The following EYS variants were observed in gnomAD, a reference collection of about 807,000 sequenced individuals.
EYS encodes EGF-like photoreceptor maintenance factor.
In EYS, 250 loss-of-function variants were observed where a neutral mutation model predicts 282.1. The ratio of observed to expected loss-of-function variants is 0.89; its 90% confidence interval spans 0.80 to 0.98. EYS has a LOEUF of 0.98. EYS is among the 50% of genes least tolerant of loss of function. EYS has a pLI of 0.00. For missense variants in EYS, 4,016 were observed against 3,709.0 expected, an observed-to-expected ratio of 1.08 and a Z score of -2.15; for synonymous variants, 1,355 against 1,282.9, an observed-to-expected ratio of 1.06 and a Z score of -1.20.
intron 26 of EYS, among the ~76,000 whole-genome samples, chr6:64,535,378 GA>G (rs1281068160): frequency 6.6e-6 from 1 of 152,068 alleles, no homozygotes; most frequent in Non-Finnish European, 1.5e-5. Context: ...TCAAGTTGAA[GA>G]ACAGAATAAC....
At chr6:65,242,000 G>T (rs997544336) in intron 12 of EYS, among the ~76,000 whole-genome samples, 1 of 152,000 alleles carries the variant, frequency 6.6e-6, no homozygotes, top group African/African-American at 2.4e-5. Context: ...AGAAAATATT[G>T]TGCAAATTCC....
intron 7 of EYS, among the ~76,000 whole-genome samples, chr6:65,395,396 T>C (rs1766243305): frequency 6.6e-6 from 1 of 152,156 alleles, no homozygotes; most frequent in African/African-American, 2.4e-5. Context: ...TTTTCCAACT[T>C]TATCGAAGCA....
intron 5 of EYS, among the ~76,000 whole-genome samples, chr6:65,434,144 C>T (rs1767977542): frequency 1.3e-5 from 2 of 152,152 alleles, no homozygotes; most frequent in Admixed American, 1.3e-4. Context: ...CAGCATAGTG[C>T]TGAGAGCCCT....
At chr6:65,508,761 C>A (rs1286314380) in intron 2 of EYS, among the ~76,000 whole-genome samples, 1 of 151,940 alleles carries the variant, frequency 6.6e-6, no homozygotes, top group Admixed American at 6.6e-5. Context: ...ATGACAAATA[C>A]CCTTGCTAAC....
At chr6:63,858,310 G>A (rs140561159) in intron 36 of EYS, among the ~76,000 whole-genome samples, 88 of 152,202 alleles carry the variant, frequency 5.8e-4, no homozygotes, top group African/African-American at 2.1e-3. Flanking sequence ...TCCACCCACC[G>A]CGGCTTCCCA....
intron 24 of EYS, among the ~76,000 whole-genome samples, chr6:64,595,552 A>G (rs1052396474): frequency 1.3e-5 from 2 of 152,180 alleles, no homozygotes; most frequent in African/African-American, 4.8e-5. Context: ...AGACTCCACC[A>G]CAAAATCTCT....
chr6:64,023,105 T>A (rs571165614), intron 33 of EYS, among the ~76,000 whole-genome samples: 138 of 152,376 alleles, frequency 9.1e-4, no homozygotes, highest in African/African-American at 3.2e-3. Flanking sequence ...TGGAATCATA[T>A]AATACTTGTC....
intron 24 of EYS, among the ~76,000 whole-genome samples, chr6:64,597,234 C>T (rs1208671888): frequency 2.0e-5 from 3 of 151,992 alleles, no homozygotes; most frequent in African/African-American, 7.2e-5. Context: ...GGCAAGGATG[C>T]AGAGAAAAGG....
chr6:64,999,527 C>T (rs555147871), intron 13 of EYS, among the ~76,000 whole-genome samples: 25 of 152,256 alleles, frequency 1.6e-4, no homozygotes, highest in South Asian at 1.2e-3. Context: ...CATGGATCTA[C>T]GTGAGGACGG....
intron 22 of EYS, among the ~76,000 whole-genome samples, chr6:64,688,182 G>A (rs2149911588): frequency 6.6e-6 from 1 of 151,906 alleles, no homozygotes; most frequent in African/African-American, 2.4e-5. Context: ...ACAGCTCCCG[G>A]ATTCATTGAT....
rs553407409 is a variant in EYS at position 64,098,885 on chromosome 6, G to A, written c.6425-16883C>T. On this transcript the variant is annotated intron_variant, in intron 31 of 42. Transcript: ENST00000503581. ...CCCAAAGTGCTGGGATTACAAGCATGAGCCACTGCACCTGGCCGTAATGTT... is the reference window on the plus strand; with the variant it reads ...CCCAAAGTGCTGGGATTACAAGCATAAGCCACTGCACCTGGCCGTAATGTT... 7.9e-5 allele frequency among the ~76,000 whole-genome samples: 12 copies of A among 152,228 alleles called. No individual in the cohort carries two copies. The East Asian group carries it at 1.4e-3, about 17-fold the overall frequency.
rs1051159211 is a variant in EYS, at chr6:64,094,465, C to A, written c.6425-12463G>T. 2.6e-5 allele frequency among the ~76,000 whole-genome samples: 4 copies of A among 152,270 alleles called. No homozygotes were observed. The East Asian group carries it at 5.8e-4, about 22-fold the overall frequency. ...ATTGGTCTATTCAGAGATTCCACTTCTTCCTGATTTAGTCTTGGGAGGGTG... is the reference window on the plus strand; with the variant it reads ...ATTGGTCTATTCAGAGATTCCACTTATTCCTGATTTAGTCTTGGGAGGGTG... On this transcript the variant is annotated intron_variant, in intron 31 of 42. Transcript: ENST00000503581.
chr6:64,004,964 C>T (rs1279573095), intron 33 of EYS, among the ~76,000 whole-genome samples: 1 of 151,998 alleles, frequency 6.6e-6, no homozygotes, highest in Non-Finnish European at 1.5e-5. Context: ...ATCTATATGC[C>T]TTTGGGGATG....
At position 65,664,028 on chromosome 6, in the gene EYS, GC is replaced by G. The variant is rs1768115525; in HGVS notation, c.-447-24137del. Reference sequence around the variant, plus strand: ...CTGGGACTACAGGTGCGGCCACCACGCCCGGCTAATTTTTTGTATTTTTAGT... The same window carrying G: ...CTGGGACTACAGGTGCGGCCACCACGCCGGCTAATTTTTTGTATTTTTAGT... On this transcript the variant is annotated intron_variant, in intron 1 of 42. Coordinates refer to ENST00000503581, the MANE Select transcript of EYS (RefSeq NM_001142800.2). 3.3e-5 allele frequency among the ~76,000 whole-genome samples: 5 copies of G among 151,922 alleles called. No homozygotes were observed. In the South Asian group the frequency reaches 8.3e-4, roughly 25 times the overall value.
intron 22 of EYS, among the ~76,000 whole-genome samples, chr6:64,722,627 C>A (rs1390525537): frequency 6.6e-6 from 1 of 151,838 alleles, no homozygotes; most frequent in Non-Finnish European, 1.5e-5. Context: ...ATACAACATC[C>A]CTTAAAGTAA....
rs189890799 is a variant in EYS at position 64,347,060 on chromosome 6, T to C, written c.6079-39978A>G. Among the ~76,000 whole-genome samples the C allele has an allele frequency of 5.3e-4, 80 of 151,452 alleles. 1 individual carries two copies. In the East Asian group the frequency reaches 0.014, roughly 27 times the overall value. On this transcript the variant is annotated intron_variant, in intron 29 of 42. Transcript: ENST00000503581. ...TTCACATCACATTCTTGGAGAAATA[T>C]CTAATCATTCATGTGGGGACAAAAA...
Position 64,468,466 on chromosome 6 carries a change from A to G in EYS, c.5645-29114T>C, listed in dbSNP as rs1775994903. On this transcript the variant is annotated intron_variant, in intron 26 of 42. Coordinates refer to ENST00000503581, the MANE Select transcript of EYS (RefSeq NM_001142800.2). The stretch of plus-strand genomic sequence containing the variant: ...CACAGATATGAGAAACCAAAATATT[A>G]TGACAACTCCAAAGTAACAAAATAA... 2.6e-5 allele frequency among the ~76,000 whole-genome samples: 4 copies of G among 152,334 alleles called. No individual in the cohort carries two copies. The South Asian group carries it at 8.3e-4, about 32-fold the overall frequency.
At chr6:65,269,887 T>C (rs888292542) in intron 12 of EYS, among the ~76,000 whole-genome samples, 1 of 152,134 alleles carries the variant, frequency 6.6e-6, no homozygotes, top group Non-Finnish European at 1.5e-5. Flanking sequence ...ATCCTTACAT[T>C]GTGGGTTAGA....
At chr6:65,359,733 C>T (rs1764627744) in intron 8 of EYS, among the ~76,000 whole-genome samples, 1 of 151,936 alleles carries the variant, frequency 6.6e-6, no homozygotes, top group Non-Finnish European at 1.5e-5. Flanking sequence ...CCTCACCTCT[C>T]TCTCTTTCTC....
Sources: allele counts gnomAD v4.1 joint callset (sites outside exome capture counted in the v4.1 genomes callset), GRCh38; gene constraint gnomAD v4.1.1; transcripts MANE v1.5; gene names NCBI Gene and HGNC (gene_info 2026-07-23, HGNC 2026-07-21).